The following FCHSD2 variants were observed in gnomAD, a reference collection of about 807,000 sequenced individuals.
FCHSD2 encodes the protein FCH and double SH3 domains 2, also known as F-BAR and double SH3 domains protein 2.
FCHSD2 carries 38 observed loss-of-function variants against 108.1 expected under a neutral mutation model. The observed-to-expected ratio is 0.35, with a 90% confidence interval of 0.27 to 0.46. The LOEUF (loss-of-function observed/expected upper bound fraction) is 0.46, where lower values mean the gene tolerates loss of function less well. Among genes scored for constraint, FCHSD2 ranks in the 20% least tolerant of loss-of-function variants. The probability of loss-of-function intolerance (pLI) is 1.00; values close to 1 mark genes in which losing one functional copy is unlikely to be tolerated. For synonymous variants in FCHSD2, 279 were observed against 314.7 expected, an observed-to-expected ratio of 0.89 and a Z score of 1.20; for missense variants, 751 against 897.8, an observed-to-expected ratio of 0.84 and a Z score of 2.09.
intron 8 of FCHSD2, among the ~76,000 whole-genome samples, chr11:72,983,564 A>G (rs1038675915): frequency 2.6e-5 from 4 of 152,208 alleles, no homozygotes; most frequent in African/African-American, 9.6e-5. Flanking sequence ...GAGATACACT[A>G]TAAAAATATA....
Position 72,852,205 on chromosome 11 carries a change from TAA to T in FCHSD2, c.1309-2318_1309-2317del, listed in dbSNP as rs374054070. Among the ~76,000 whole-genome samples the T allele has an allele frequency of 3.0e-4, 46 of 152,096 alleles. No individual in the cohort carries two copies. In the South Asian group the frequency reaches 9.3e-3, roughly 31 times the overall value. ...TGCCTGGCTGAGAATGGCTATTATT[TAA>T]AAAGTCAAAAAATAACAGATGCTGG... On this transcript the variant is annotated intron_variant, in intron 13 of 19. Coordinates refer to ENST00000409418, the MANE Select transcript of FCHSD2 (RefSeq NM_014824.3).
At chr11:72,846,516 A>T (rs969097500) in intron 14 of FCHSD2, among the ~76,000 whole-genome samples, 3 of 152,140 alleles carry the variant, frequency 2.0e-5, no homozygotes. Flanking sequence ...GAGCGTCCCC[A>T]TAACACTGAC....
At chr11:73,105,713 G>A (rs962638843) in intron 2 of FCHSD2, among the ~76,000 whole-genome samples, 19 of 152,002 alleles carry the variant, frequency 1.2e-4, no homozygotes, top group African/African-American at 4.6e-4. Flanking sequence ...ACTCACAATA[G>A]GTGTCTTACA....
At chr11:72,980,028 T>C (rs1426966893) in intron 8 of FCHSD2, among the ~76,000 whole-genome samples, 2 of 152,214 alleles carry the variant, frequency 1.3e-5, no homozygotes, top group African/African-American at 4.8e-5. Context: ...AATCCAAAGC[T>C]GAGGTGAAAA....
At chr11:72,844,809 C>T (rs1483010356) in intron 14 of FCHSD2, among the ~76,000 whole-genome samples, 1 of 152,108 alleles carries the variant, frequency 6.6e-6, no homozygotes, top group Non-Finnish European at 1.5e-5. Flanking sequence ...GGGTCATTTT[C>T]AAGATCAATT....
At chr11:72,886,339 G>A (rs916584312) in intron 12 of FCHSD2, among the ~76,000 whole-genome samples, 4 of 152,028 alleles carry the variant, frequency 2.6e-5, no homozygotes, top group African/African-American at 7.2e-5. Context: ...AAGTTGCATG[G>A]CATAAGTCTG....
intron 9 of FCHSD2, among the ~76,000 whole-genome samples, chr11:72,906,852 T>C (rs907237967): frequency 1.3e-5 from 2 of 152,204 alleles, no homozygotes; most frequent in Admixed American, 6.5e-5. Context: ...TGAAGTCAGG[T>C]AGCACGATGT....
At chr11:73,022,896 T>C (rs1465253019) in intron 3 of FCHSD2, among the ~76,000 whole-genome samples, 2 of 152,224 alleles carry the variant, frequency 1.3e-5, no homozygotes, top group African/African-American at 2.4e-5. Flanking sequence ...CATACAAATA[T>C]AGTAAACTGA....
At chr11:73,124,750 T>G (rs993646028) in intron 2 of FCHSD2, among the ~76,000 whole-genome samples, 1 of 150,190 alleles carries the variant, frequency 6.7e-6, no homozygotes, top group African/African-American at 2.5e-5. Context: ...AGTGAGACTC[T>G]GTCTCAAAAA....
intron 8 of FCHSD2, among the ~76,000 whole-genome samples, chr11:72,976,208 A>G (rs555799181): frequency 6.6e-6 from 1 of 152,248 alleles, no homozygotes; most frequent in Non-Finnish European, 1.5e-5. Context: ...CTGCTCTAGT[A>G]ACTACTGGCA....
chr11:73,134,008 T>C (rs1861064724), intron 2 of FCHSD2, among the ~76,000 whole-genome samples: 1 of 151,776 alleles, frequency 6.6e-6, no homozygotes, highest in African/African-American at 2.4e-5. Flanking sequence ...AAAAGTTGAA[T>C]GGTACACTTT....
At chr11:73,007,832 T>C (rs1857774112) in intron 4 of FCHSD2, among the ~76,000 whole-genome samples, 1 of 152,198 alleles carries the variant, frequency 6.6e-6, no homozygotes, top group South Asian at 2.1e-4. Context: ...AATTTCTTGG[T>C]TGTGATATTG....
rs189370769 is a variant in FCHSD2 at position 72,889,516 on chromosome 11, C to T, written c.1041+313G>A. Among the ~76,000 whole-genome samples, 748 of 152,094 alleles carry T rather than the reference C, an allele frequency of 4.9e-3. 6 individuals carry two copies. The highest frequency in any genetic ancestry group is 6.9e-3 in the Non-Finnish European group (469 of 67,988). Reference sequence around the variant, plus strand: ...CTTGAGCAAAGGAGTTTGAGACCAGCCTGGGAAACATGGCAAGACCCTATC... The same window carrying T: ...CTTGAGCAAAGGAGTTTGAGACCAGTCTGGGAAACATGGCAAGACCCTATC... On this transcript the variant is annotated intron_variant, in intron 11 of 19. Transcript: ENST00000409418.
At chr11:73,021,002 G>C (rs1470524088) in intron 3 of FCHSD2, among the ~76,000 whole-genome samples, 3 of 152,026 alleles carry the variant, frequency 2.0e-5, no homozygotes, top group Non-Finnish European at 4.4e-5. Context: ...TCAGCCTCCA[G>C]AGTAGCTGGG....
chr11:73,021,638 T>A (rs1276328004), intron 3 of FCHSD2, among the ~76,000 whole-genome samples: 1 of 152,058 alleles, frequency 6.6e-6, no homozygotes, highest in East Asian at 1.9e-4. Context: ...AACGAAATAA[T>A]CTGTACAACA....
intron 8 of FCHSD2, among the ~76,000 whole-genome samples, chr11:72,947,069 C>G (rs1417867141): frequency 6.6e-6 from 1 of 152,232 alleles, no homozygotes; most frequent in Admixed American, 6.5e-5. Context: ...AAATGAGACT[C>G]ACATCACTGG....
At chr11:73,118,391 T>C (rs1001913319) in intron 2 of FCHSD2, among the ~76,000 whole-genome samples, 1 of 152,192 alleles carries the variant, frequency 6.6e-6, no homozygotes, top group East Asian at 1.9e-4. Flanking sequence ...TGCCCCATCT[T>C]AGTCAATTCC....
intron 2 of FCHSD2, among the ~76,000 whole-genome samples, chr11:73,119,826 T>C (rs952563334): frequency 6.6e-6 from 1 of 152,178 alleles, no homozygotes; most frequent in Non-Finnish European, 1.5e-5. Context: ...ATCCTAAAAA[T>C]TAGTACCATA....
chr11:73,092,592 G>A (rs1859983839), intron 2 of FCHSD2, among the ~76,000 whole-genome samples: 1 of 152,126 alleles, frequency 6.6e-6, no homozygotes, highest in Non-Finnish European at 1.5e-5. Context: ...AAAAATGTTT[G>A]CTGAATGAAT....
Sources: allele counts gnomAD v4.1 joint callset (sites outside exome capture counted in the v4.1 genomes callset), GRCh38; gene constraint gnomAD v4.1.1; transcripts MANE v1.5; gene names NCBI Gene and HGNC (gene_info 2026-07-23, HGNC 2026-07-21).